Variants in ACER2 observed in about 807,000 individuals in gnomAD.
ACER2 encodes the protein alkaline ceramidase 2.
Under a neutral mutation model 34.7 loss-of-function variants are expected in ACER2, and 26 were observed. That is an observed-to-expected ratio of 0.75 (90% CI 0.55 to 1.04). The LOEUF is 1.04. Ranked by LOEUF, ACER2 falls within the 50% of genes least tolerant of loss-of-function variation. ACER2 has a pLI of 0.00. For missense variants in ACER2, 352 were observed against 340.8 expected (o/e 1.03, Z -0.26); for synonymous variants, 138 against 132.1 (o/e 1.04, Z -0.31).
chr9:19,446,449 G>A, intron 5 of ACER2, 31 bp downstream of exon 5: 2 of 1,613,690 alleles, frequency 1.2e-6, no homozygotes. Context: ...AGGTGGCCGG[G>A]GACAGGTGTG....
intron 1 of ACER2, among the ~76,000 whole-genome samples, chr9:19,411,067 T>G (rs1830072447): frequency 6.6e-6 from 1 of 152,216 alleles, no homozygotes; most frequent in African/African-American, 2.4e-5. Context: ...TCTCTGAGTC[T>G]GTCTTGAAAA....
In ACER2 at chr9:19,423,068, A is replaced by C. The variant is rs145392919; in HGVS notation, c.109-794A>C. On this transcript the variant is annotated intron_variant, in intron 1 of 5. Coordinates refer to ENST00000340967, the MANE Select transcript of ACER2 (RefSeq NM_001010887.3). ...AAAAAAAAAGTAAATGGAGCCAGGC[A>C]TGGTGGCATGTACCTAGTCCCAGCT... is the stretch of plus-strand genomic sequence containing the variant. 1.0e-3 allele frequency among the ~76,000 whole-genome samples: 152 copies of C among 151,334 alleles called. 1 individual carries two copies. The highest frequency in any genetic ancestry group is 4.5e-3 in the Admixed American group (68 of 15,182).
intron 1 of ACER2, among the ~76,000 whole-genome samples, chr9:19,422,390 A>G (rs930150213): frequency 6.6e-6 from 1 of 152,192 alleles, no homozygotes; most frequent in African/African-American, 2.4e-5. Flanking sequence ...TGCATTAAAT[A>G]AGATAGATTA....
intron 1 of ACER2, among the ~76,000 whole-genome samples, chr9:19,412,242 A>G (rs1830107178): frequency 6.6e-6 from 1 of 152,246 alleles, no homozygotes; most frequent in Admixed American, 6.5e-5. Context: ...TAAAAGTAAT[A>G]TGATCATGGT....
intron 4 of ACER2, among the ~76,000 whole-genome samples, chr9:19,439,076 T>C (rs1831061123): frequency 6.6e-6 from 1 of 152,262 alleles, no homozygotes; most frequent in Non-Finnish European, 1.5e-5. Context: ...TAAGGAAATA[T>C]ATTTTCCTTT....
Position 19,441,827 on chromosome 9 carries a change from C to T in ACER2, c.504-4454C>T, listed in dbSNP as rs916687389. Among the ~76,000 whole-genome samples the T allele has an allele frequency of 2.0e-5, 3 of 152,174 alleles. No individual in the cohort carries two copies. In the East Asian group the frequency reaches 5.8e-4, roughly 29 times the overall value. Reference sequence around the variant, plus strand: ...GTTGTTTCCCTGCTTTGATAAAATACCCAGACAAAAGGATGCCCTTATTGC... The same window carrying T: ...GTTGTTTCCCTGCTTTGATAAAATATCCAGACAAAAGGATGCCCTTATTGC... On this transcript the variant is annotated intron_variant, in intron 4 of 5. Coordinates refer to ENST00000340967, the MANE Select transcript of ACER2 (RefSeq NM_001010887.3).
chr9:19,409,010 C>G lies in ACER2; in HGVS notation c.-75C>G. The G allele has an allele frequency of 7.5e-7, 1 of 1,326,486 alleles. No homozygotes were observed. The highest frequency in any genetic ancestry group is 1.6e-5 in the South Asian group (1 of 64,370). The allele number at this position is 1,326,486 out of a possible 1,614,324, so 82.2% of individuals were successfully genotyped here. A position where few individuals can be genotyped will look rare whatever the true frequency, so the allele number is the denominator to read the frequency against. On this transcript the variant is annotated 5_prime_UTR_variant, in exon 1 of 6. Coordinates refer to ENST00000340967, the MANE Select transcript of ACER2 (RefSeq NM_001010887.3). ...AAGCCGCTTTCGCCGCTGGCTGTCG[C>G]CGCGTTTTGCCTCCGCAGCAGCTCT...
At chr9:19,428,515 A>C (rs896195226) in intron 3 of ACER2, among the ~76,000 whole-genome samples, 1 of 151,760 alleles carries the variant, frequency 6.6e-6, no homozygotes, top group African/African-American at 2.4e-5. Context: ...TTAATGTGAG[A>C]TTTTTGGAGA....
intron 1 of ACER2, among the ~76,000 whole-genome samples, chr9:19,419,593 C>G (rs1353182997): frequency 6.6e-6 from 1 of 152,166 alleles, no homozygotes; most frequent in Non-Finnish European, 1.5e-5. Flanking sequence ...TGATGAAACT[C>G]TGTCTCTACT....
chr9:19,409,230 C>T (rs1366249302), intron 1 of ACER2, 38 bp downstream of exon 1: 46 of 1,540,596 alleles, frequency 3.0e-5, no homozygotes, highest in Non-Finnish European at 4.0e-5. Context: ...GGCGGGCCAG[C>T]GGGAGGGGGC....
intron 1 of ACER2, among the ~76,000 whole-genome samples, chr9:19,410,674 C>T (rs948399792): frequency 2.6e-5 from 4 of 152,192 alleles, no homozygotes; most frequent in African/African-American, 4.8e-5. Context: ...CGCGCCACTC[C>T]ACTCCAGCCT....
intron 3 of ACER2, among the ~76,000 whole-genome samples, chr9:19,426,320 C>T (rs71478248): frequency 0.23 from 31,946 of 140,878 alleles, 3,927 homozygotes; most frequent in African/African-American, 0.35. Context: ...TTCTTTCTTT[C>T]TTTTTCTTTC....
chr9:19,444,411 A>G (rs528588643), intron 4 of ACER2, among the ~76,000 whole-genome samples: 1 of 152,180 alleles, frequency 6.6e-6, no homozygotes, highest in East Asian at 1.9e-4. Flanking sequence ...ACGAGGTTTC[A>G]CCGGATTAGC....
intron 1 of ACER2, among the ~76,000 whole-genome samples, chr9:19,417,589 C>T (rs1299716425): frequency 1.3e-5 from 2 of 152,152 alleles, no homozygotes; most frequent in Non-Finnish European, 2.9e-5. Context: ...TGATCTTTGA[C>T]AAACCTGACA....
At chr9:19,418,312 A>G (rs1356089343) in intron 1 of ACER2, among the ~76,000 whole-genome samples, 2 of 152,236 alleles carry the variant, frequency 1.3e-5, no homozygotes, top group African/African-American at 4.8e-5. Context: ...ATCTGGAACT[A>G]GAAATACCAT....
rs371194538 is a variant in ACER2, at chr9:19,452,463, G to T, written c.*1827G>T. Among the ~76,000 whole-genome samples the T allele has an allele frequency of 1.3e-5, 2 of 152,200 alleles. No homozygotes were observed. Among genetic ancestry groups the T allele is most frequent in the South Asian group, 2.1e-4 (1 of 4,830 alleles). On this transcript the variant is annotated 3_prime_UTR_variant, in exon 6 of 6. Transcript: ENST00000340967. The stretch of plus-strand genomic sequence containing the variant: ...TAAGAAATCTTTGTGGAACCCCAGT[G>T]TGTGAAGTAAATTGTATGTTATTAA...
chr9:19,419,757 A>G (rs1830345095), intron 1 of ACER2, among the ~76,000 whole-genome samples: 1 of 151,976 alleles, frequency 6.6e-6, no homozygotes, highest in African/African-American at 2.4e-5. Flanking sequence ...ACAGAGTGAG[A>G]CTCCATCTCA....
intron 1 of ACER2, among the ~76,000 whole-genome samples, chr9:19,421,889 T>G (rs1486254753): frequency 6.6e-6 from 1 of 152,154 alleles, no homozygotes; most frequent in Non-Finnish European, 1.5e-5. Context: ...ACTGGCCACA[T>G]TTAGTTGGCT....
At chr9:19,434,353 T>C (rs1227657880) in intron 3 of ACER2, among the ~76,000 whole-genome samples, 4 of 152,048 alleles carry the variant, frequency 2.6e-5, no homozygotes, top group Non-Finnish European at 5.9e-5. Context: ...GAGACGCTCC[T>C]CACTTCCCAG....
Sources: gnomAD v4.1 joint callset for allele counts (sites outside exome capture counted in the v4.1 genomes callset) on GRCh38, gnomAD v4.1.1 for gene constraint, MANE v1.5 for transcripts, NCBI Gene and HGNC (gene_info 2026-07-23, HGNC 2026-07-21) for gene names.